NRXN1: variants seen among roughly 807,000 people sequenced by gnomAD.
NRXN1 encodes neurexin 1, also known as neurexin-1.
Under a neutral mutation model 150.9 loss-of-function variants are expected in NRXN1, and 39 were observed. That is an observed-to-expected ratio of 0.26 (90% CI 0.20 to 0.34). The LOEUF (loss-of-function observed/expected upper bound fraction) is 0.34. Among genes scored for constraint, NRXN1 ranks in the 10% least tolerant of loss-of-function variants. NRXN1 has a pLI of 1.00. For missense variants in NRXN1, 1,815 were observed against 1,949.9 expected, an observed-to-expected ratio of 0.93 and a Z score of 1.30; for synonymous variants, 924 against 757.0, an observed-to-expected ratio of 1.22 and a Z score of -3.62.
chr2:50,377,466 T>A (rs1199380100), intron 17 of NRXN1, among the ~76,000 whole-genome samples: 2 of 152,222 alleles, frequency 1.3e-5, no homozygotes, highest in Non-Finnish European at 2.9e-5. Context: ...TTCCATGATG[T>A]ATATGTGCCA....
Position 50,052,336 on chromosome 2 carries a change from G to A in NRXN1, c.4128+935C>T, listed in dbSNP as rs893100620. Among the ~76,000 whole-genome samples, 96 of 151,964 alleles carry A rather than the reference G, an allele frequency of 6.3e-4. 1 individual carries two copies. Among genetic ancestry groups the A allele is most frequent in the Non-Finnish European group, 1.6e-4 (11 of 67,944 alleles). On this transcript the variant is annotated intron_variant, in intron 21 of 22. Transcript: ENST00000401669. ...CACTATCAGTAAAACAGAACAAAAC[G>A]AAACAATTAATTTTGGACCAAGGAT... is the stretch of plus-strand genomic sequence containing the variant.
intron 2 of NRXN1, among the ~76,000 whole-genome samples, chr2:50,976,787 C>A (rs1241740330): frequency 2.0e-5 from 3 of 151,892 alleles, no homozygotes; most frequent in East Asian, 1.9e-4. Flanking sequence ...CAAAATTGAG[C>A]ATACCAAAAA....
At chr2:50,882,398 G>C (rs766794079) in intron 5 of NRXN1, among the ~76,000 whole-genome samples, 2 of 151,556 alleles carry the variant, frequency 1.3e-5, no homozygotes, top group Non-Finnish European at 2.9e-5. Context: ...ATTATCTCTC[G>C]TTTAAAATAT....
intron 5 of NRXN1, chr2:50,829,694 G>C: frequency 3.7e-6 from 6 of 1,605,940 alleles, no homozygotes; most frequent in Non-Finnish European, 5.1e-6. Context: ...CGCCGCGCCA[G>C]GCCGCCCGCA....
intron 8 of NRXN1, among the ~76,000 whole-genome samples, chr2:50,606,908 T>C (rs752224276): frequency 6.6e-6 from 1 of 152,138 alleles, no homozygotes; most frequent in African/African-American, 2.4e-5. Flanking sequence ...CTTCGCGTGT[T>C]ATGTGTATTT....
At position 50,053,610 on chromosome 2, in the gene NRXN1, T is replaced by C; in HGVS notation, c.3809-20A>G. On this transcript the variant is annotated intron_variant, in intron 20 of 22. Transcript: ENST00000401669. The stretch of plus-strand genomic sequence containing the variant: ...GACGCCCTGTAAAAATAATATTACA[T>C]ACATGCAAAAATGTTGATTGTGAAC... The C allele has an allele frequency of 6.2e-7, 1 of 1,611,880 alleles. No individual in the cohort carries two copies. Among genetic ancestry groups the C allele is most frequent in the Non-Finnish European group, 8.5e-7 (1 of 1,178,184 alleles).
intron 18 of NRXN1, among the ~76,000 whole-genome samples, chr2:50,093,359 T>A (rs937635311): frequency 6.6e-6 from 1 of 151,254 alleles, no homozygotes; most frequent in East Asian, 2.0e-4. Context: ...CACACATGTA[T>A]AATCCCAGCA....
At chr2:50,948,924 A>G (rs778231885) in intron 2 of NRXN1, among the ~76,000 whole-genome samples, 2 of 152,200 alleles carry the variant, frequency 1.3e-5, no homozygotes, top group African/African-American at 2.4e-5. Flanking sequence ...CATGAATTCA[A>G]TATGGCTTAT....
intron 5 of NRXN1, among the ~76,000 whole-genome samples, chr2:50,882,628 C>G (rs940302430): frequency 4.0e-5 from 6 of 151,804 alleles, no homozygotes; most frequent in Admixed American, 4.0e-4. Flanking sequence ...AAGACGAACC[C>G]ACAGGTGCCC....
At chr2:50,657,668 G>T (rs1325934839) in intron 5 of NRXN1, among the ~76,000 whole-genome samples, 1 of 152,024 alleles carries the variant, frequency 6.6e-6, no homozygotes, top group Non-Finnish European at 1.5e-5. Flanking sequence ...AGCCTGGATT[G>T]AAGAGTAGAC....
intron 18 of NRXN1, among the ~76,000 whole-genome samples, chr2:50,111,092 T>C (rs1193144042): frequency 6.6e-6 from 1 of 152,190 alleles, no homozygotes; most frequent in Non-Finnish European, 1.5e-5. Flanking sequence ...TGGCCCGTTA[T>C]TTTAGATTGT....
chr2:50,123,996 G>C (rs574970897), intron 18 of NRXN1, among the ~76,000 whole-genome samples: 6 of 152,262 alleles, frequency 3.9e-5, no homozygotes, highest in South Asian at 4.1e-4. Flanking sequence ...AGCCGTGAGA[G>C]AGAATGGGAT....
chr2:50,043,086 C>T (rs1387588156), intron 21 of NRXN1, among the ~76,000 whole-genome samples: 1 of 152,126 alleles, frequency 6.6e-6, no homozygotes, highest in Non-Finnish European at 1.5e-5. Context: ...TTACTAATAG[C>T]ATACCAAATA....
At chr2:50,965,569 C>T (rs911928207) in intron 2 of NRXN1, among the ~76,000 whole-genome samples, 1 of 151,320 alleles carries the variant, frequency 6.6e-6, no homozygotes, top group Admixed American at 6.6e-5. Context: ...TCTAATGGCC[C>T]AGCTTACATT....
rs936056274 is a variant in NRXN1 at position 50,168,777 on chromosome 2, C to G, written c.3546+68012G>C. Among the ~76,000 whole-genome samples the G allele has an allele frequency of 2.0e-5, 3 of 152,294 alleles. No homozygotes were observed. In the South Asian group the frequency reaches 6.2e-4, roughly 32 times the overall value. Reference sequence around the variant, plus strand: ...AATGCAACCCCAGAAGAAAAACTTGCAAGTGCCTCTTCAATAGCCATCCAA... The same window carrying G: ...AATGCAACCCCAGAAGAAAAACTTGGAAGTGCCTCTTCAATAGCCATCCAA... On this transcript the variant is annotated intron_variant, in intron 18 of 22. Transcript: ENST00000401669.
At chr2:50,581,840 A>G (rs1672311520) in intron 8 of NRXN1, among the ~76,000 whole-genome samples, 1 of 152,168 alleles carries the variant, frequency 6.6e-6, no homozygotes, top group Non-Finnish European at 1.5e-5. Flanking sequence ...AAGAGCATAC[A>G]GTTACTTAGA....
intron 5 of NRXN1, among the ~76,000 whole-genome samples, chr2:50,889,825 A>G (rs1011053279): frequency 6.6e-6 from 1 of 151,726 alleles, no homozygotes; most frequent in Non-Finnish European, 1.5e-5. Flanking sequence ...TGCATACAAT[A>G]TATAACCACT....
At chr2:50,978,129 T>G (rs1435322762) in intron 2 of NRXN1, among the ~76,000 whole-genome samples, 1 of 150,624 alleles carries the variant, frequency 6.6e-6, no homozygotes, top group African/African-American at 2.4e-5. Context: ...AAAATATATA[T>G]ATTCATTTTA....
At chr2:50,656,088 C>T (rs1686413824) in intron 5 of NRXN1, among the ~76,000 whole-genome samples, 1 of 151,948 alleles carries the variant, frequency 6.6e-6, no homozygotes, top group Non-Finnish European at 1.5e-5. Flanking sequence ...ATTTTCATTG[C>T]TGCCACCCTG....
Sources: gnomAD v4.1 joint callset for allele counts (sites outside exome capture counted in the v4.1 genomes callset) on GRCh38, gnomAD v4.1.1 for gene constraint, MANE v1.5 for transcripts, NCBI Gene and HGNC (gene_info 2026-07-23, HGNC 2026-07-21) for gene names.